Variants in PLEKHA7 observed in about 807,000 individuals in gnomAD.
The protein encoded by PLEKHA7 is pleckstrin homology domain containing A7, also known as pleckstrin homology domain-containing family A member 7.
A neutral mutation model predicts 170.0 loss-of-function variants in PLEKHA7; 104 were observed. The observed-to-expected ratio is 0.61, with a 90% CI of 0.52 to 0.72. PLEKHA7 has a LOEUF of 0.72. PLEKHA7 is among the 30% of genes least tolerant of loss of function. The pLI, the probability that PLEKHA7 is intolerant of heterozygous loss-of-function variation, is 0.00. For synonymous variants in PLEKHA7, 648 were observed against 660.8 expected, an observed-to-expected ratio of 0.98 and a Z score of 0.30; for missense variants, 1,615 against 1,671.7, an observed-to-expected ratio of 0.97 and a Z score of 0.59.
intron 8 of PLEKHA7, among the ~76,000 whole-genome samples, chr11:16,848,959 C>T (rs1396524426): frequency 4.6e-5 from 7 of 152,154 alleles, no homozygotes; most frequent in Non-Finnish European, 7.3e-5. Flanking sequence ...CCCCCAGAGC[C>T]TACCCTCTGG....
chr11:16,995,977 GT>G (rs1864315550), intron 3 of PLEKHA7, among the ~76,000 whole-genome samples: 1 of 152,036 alleles, frequency 6.6e-6, no homozygotes, highest in Admixed American at 6.6e-5. Flanking sequence ...GTATACACAG[GT>G]ACGCTCTGTG....
At chr11:16,903,974 C>A (rs1857498616) in intron 3 of PLEKHA7, among the ~76,000 whole-genome samples, 1 of 152,170 alleles carries the variant, frequency 6.6e-6, no homozygotes, top group Non-Finnish European at 1.5e-5. Flanking sequence ...AAAGATACAG[C>A]CTGCTCTACA....
At chr11:16,961,320 G>A (rs965526654) in intron 3 of PLEKHA7, among the ~76,000 whole-genome samples, 3 of 152,334 alleles carry the variant, frequency 2.0e-5, no homozygotes, top group Non-Finnish European at 2.9e-5. Context: ...CCGCCCAAGC[G>A]CCTTGAGGTG....
chr11:16,781,884 G>A (rs1422292914), intron 26 of PLEKHA7, among the ~76,000 whole-genome samples: 1 of 152,140 alleles, frequency 6.6e-6, no homozygotes, highest in South Asian at 2.1e-4. Flanking sequence ...CTCTATGGCT[G>A]TTCCCTCCCC....
chr11:16,851,486 G>C (rs1180736809), intron 7 of PLEKHA7, among the ~76,000 whole-genome samples, 195 bp from the exon 8 acceptor site: 2 of 151,896 alleles, frequency 1.3e-5, no homozygotes, highest in Non-Finnish European at 2.9e-5. Context: ...TTTCGCTCTT[G>C]TTGCCCAAGC....
intron 3 of PLEKHA7, among the ~76,000 whole-genome samples, chr11:17,003,297 TGTGCA>T (rs1183455709): frequency 6.6e-6 from 1 of 152,170 alleles, no homozygotes; most frequent in Non-Finnish European, 1.5e-5. Context: ...AGCCCAAGGT[TGTGCA>T]GTTTTTATTG....
At chr11:17,009,392 C>T (rs1865194057) in intron 3 of PLEKHA7, among the ~76,000 whole-genome samples, 2 of 152,112 alleles carry the variant, frequency 1.3e-5, no homozygotes, top group South Asian at 4.1e-4. Flanking sequence ...GTCTGTAAAA[C>T]GAAACTAGTA....
rs559812681 is a variant in PLEKHA7 at position 16,817,656 on chromosome 11, C to T, written c.1344-334G>A. On this transcript the variant is annotated intron_variant, in intron 10 of 26. Coordinates refer to ENST00000531066, the MANE Select transcript of PLEKHA7 (RefSeq NM_001329630.2). This position sits in a 1 kb window ranked among gnomAD's most constrained non-coding sequence, Gnocchi z 4.4. ...TGGCTATGCATATTTATAGGAAAGG[C>T]CTCACAATTCTCCAAGTTACCAAGA... Among the ~76,000 whole-genome samples the T allele has an allele frequency of 2.0e-5, 3 of 152,280 alleles. No individual in the cohort carries two copies. Among genetic ancestry groups the T allele is most frequent in the Admixed American group, 6.5e-5 (1 of 15,292 alleles).
In PLEKHA7 at chr11:16,794,568, C is replaced by T. The variant is rs773265858; in HGVS notation, c.2665G>A (p.Val889Met). 2 of 1,613,478 alleles carry T rather than the reference C, an allele frequency of 1.2e-6. No individual in the cohort carries two copies. The highest frequency in any genetic ancestry group is 8.5e-7 in the Non-Finnish European group (1 of 1,179,756). ...TGGGGTGGGTGAGGTCGGTACGGCA[C>T]GTAGGTTTGCAGCTGGGGGAAGAGT... ...VRLFPQLQTY[V>M]PYRPHPPQLR... The change falls in exon 19 of 27, where the codon GTG becomes ATG. Residue 889 changes from valine (V) to methionine (M), a missense_variant. Coordinates refer to ENST00000531066, the MANE Select transcript of PLEKHA7 (RefSeq NM_001329630.2).
At chr11:16,827,099 T>C (rs1237095880) in intron 9 of PLEKHA7, among the ~76,000 whole-genome samples, 1 of 152,226 alleles carries the variant, frequency 6.6e-6, no homozygotes, top group Non-Finnish European at 1.5e-5. Flanking sequence ...CCTTTTGCAA[T>C]TTGTCCATTT....
chr11:16,890,803 C>T (rs966189271), intron 3 of PLEKHA7, among the ~76,000 whole-genome samples: 2 of 151,988 alleles, frequency 1.3e-5, no homozygotes, highest in African/African-American at 4.8e-5. Context: ...TAATGTCCTG[C>T]CTTAAAATCC....
At chr11:16,823,901 A>G (rs1850433629) in intron 10 of PLEKHA7, among the ~76,000 whole-genome samples, 2 of 152,208 alleles carry the variant, frequency 1.3e-5, no homozygotes, top group Non-Finnish European at 2.9e-5. Context: ...TGGTATTTAT[A>G]CTCAGTGGAG....
chr11:16,870,062 T>A (rs1285761955), intron 4 of PLEKHA7, among the ~76,000 whole-genome samples: 1 of 152,190 alleles, frequency 6.6e-6, no homozygotes, highest in East Asian at 1.9e-4. Context: ...GCTTGGGCTG[T>A]ACATGTATTT....
chr11:16,967,282 C>T (rs548675414), intron 3 of PLEKHA7, among the ~76,000 whole-genome samples: 1 of 152,278 alleles, frequency 6.6e-6, no homozygotes, highest in African/African-American at 2.4e-5. Flanking sequence ...TATAATTTCT[C>T]CAGCAACCTC....
At chr11:16,838,332 C>G (rs1381054317) in intron 9 of PLEKHA7, among the ~76,000 whole-genome samples, 1 of 151,906 alleles carries the variant, frequency 6.6e-6, no homozygotes, top group African/African-American at 2.4e-5. Context: ...ACATAGTGAG[C>G]CTCTGTCTCT....
chr11:16,893,271 T>C (rs1856792764), intron 3 of PLEKHA7, among the ~76,000 whole-genome samples: 4 of 152,234 alleles, frequency 2.6e-5, no homozygotes, highest in Admixed American at 2.0e-4. Context: ...AGCCAAACTG[T>C]TCTCCTGCAT....
chr11:16,850,636 T>C (rs1411195055), intron 8 of PLEKHA7, among the ~76,000 whole-genome samples: 1 of 152,180 alleles, frequency 6.6e-6, no homozygotes, highest in Non-Finnish European at 1.5e-5. Context: ...TCAGCCCAAA[T>C]GGTACAGACA....
At chr11:16,874,489 G>A (rs1855129188) in intron 3 of PLEKHA7, among the ~76,000 whole-genome samples, 2 of 152,170 alleles carry the variant, frequency 1.3e-5, no homozygotes, top group African/African-American at 4.8e-5. Flanking sequence ...CTAGGTGACA[G>A]AGTGAGGCTC....
rs200072888 is a variant in PLEKHA7, at chr11:16,816,273, G to A, written c.1867-9C>T. 39 of 1,606,794 alleles carry A rather than the reference G, an allele frequency of 2.4e-5. No individual in the cohort carries two copies. Among genetic ancestry groups the A allele is most frequent in the Non-Finnish European group, 3.2e-5 (38 of 1,173,902 alleles). The stretch of plus-strand genomic sequence containing the variant: ...TCCACATGAGATGAGTTCTGCAAGT[G>A]GGGAGACAAGAAGTCACACTGGAGC... On this transcript the variant is annotated splice_polypyrimidine_tract_variant and intron_variant, in intron 11 of 26. Transcript: ENST00000531066.
Sources: allele counts gnomAD v4.1 joint callset (sites outside exome capture counted in the v4.1 genomes callset), GRCh38; gene constraint gnomAD v4.1.1; non-coding constraint Gnocchi (gnomAD v3.1); transcripts MANE v1.5; gene names NCBI Gene and HGNC (gene_info 2026-07-23, HGNC 2026-07-21).